The following ZNF678 variants were observed in gnomAD, a reference collection of about 807,000 sequenced individuals.
ZNF678 encodes hypothetical protein MGC42493.
ZNF678 carries 5 observed loss-of-function variants against 3.0 expected under a neutral mutation model. That is an observed-to-expected ratio of 1.69 (90% CI 0.88 to 3.56). The LOEUF is 3.56. ZNF678 is among the 30% of genes most tolerant of loss of function. ZNF678 has a pLI of 0.00. For missense variants in ZNF678, 593 were observed against 605.0 expected (o/e 0.98, Z 0.21); for synonymous variants, 218 against 199.6 (o/e 1.09, Z -0.78).
intron 2 of ZNF678, 145 bp from the exon 3 acceptor site, chr1:227,650,811 C>T: frequency 1.8e-6 from 1 of 560,618 alleles, no homozygotes; most frequent in African/African-American, 1.9e-5. Context: ...CTTTTATATT[C>T]TGCCAATTTA....
At chr1:227,679,387 G>A (rs1659731102), downstream of ZNF678, among the ~76,000 whole-genome samples, 1 of 152,150 alleles carries the variant, frequency 6.6e-6, no homozygotes, top group Admixed American at 6.5e-5. Flanking sequence ...GTAGTTAAAA[G>A]ATCGACCCTG....
At chr1:227,604,912 G>A (rs1288567617) in intron 1 of ZNF678, among the ~76,000 whole-genome samples, 1 of 151,942 alleles carries the variant, frequency 6.6e-6, no homozygotes, top group Non-Finnish European at 1.5e-5. Flanking sequence ...CTGAAGTGCA[G>A]TGGTGCAATC....
intron 1 of ZNF678, among the ~76,000 whole-genome samples, chr1:227,574,668 A>G (rs550417167): frequency 4.6e-5 from 7 of 152,028 alleles, no homozygotes; most frequent in Admixed American, 6.6e-5. Flanking sequence ...AGTTTAATCA[A>G]ATCCCATTTG....
intron 1 of ZNF678, among the ~76,000 whole-genome samples, chr1:227,611,897 G>A (rs1658031500): frequency 6.6e-6 from 1 of 152,176 alleles, no homozygotes; most frequent in Non-Finnish European, 1.5e-5. Context: ...ACCAGGTGCT[G>A]CTACCAAGCA....
intron 1 of ZNF678, among the ~76,000 whole-genome samples, chr1:227,605,506 T>C (rs1657842162): frequency 6.6e-6 from 1 of 152,214 alleles, no homozygotes; most frequent in Non-Finnish European, 1.5e-5. Context: ...TTTGTCTTGT[T>C]CCCAATGTTA....
In ZNF678 at chr1:227,590,054, C is replaced by T. The variant is rs185534317; in HGVS notation, c.-164+26330C>T. 3.1e-3 allele frequency among the ~76,000 whole-genome samples: 472 copies of T among 151,806 alleles called. 5 individuals carry two copies. The highest frequency in any genetic ancestry group is 0.017 in the East Asian group (87 of 5,176). Reference sequence around the variant, plus strand: ...GAAGCATTCTGGTGAACTAGAGTAGCGATGAAACCTTTTACCATTTGAATG... The same window carrying T: ...GAAGCATTCTGGTGAACTAGAGTAGTGATGAAACCTTTTACCATTTGAATG... On this transcript the variant is annotated intron_variant, in intron 1 of 3. Transcript: ENST00000343776.
intron 1 of ZNF678, among the ~76,000 whole-genome samples, chr1:227,601,665 A>G (rs1241812434): frequency 6.6e-6 from 1 of 152,060 alleles, no homozygotes; most frequent in African/African-American, 2.4e-5. Flanking sequence ...CCCAGGTTCA[A>G]GCGATTCTCC....
intron 5 of ZNF678, among the ~76,000 whole-genome samples, chr1:227,671,448 T>C (rs1315015197): frequency 6.6e-6 from 1 of 152,160 alleles, no homozygotes; most frequent in Non-Finnish European, 1.5e-5. Context: ...GACGGACCAA[T>C]AGGGCTGAAT....
chr1:227,563,583 TGG>T lies in ZNF678; in HGVS notation c.-304_-303del. On this transcript the variant is annotated 5_prime_UTR_variant, in exon 1 of 4. Transcript: ENST00000343776. ...TTGTCTTGTGCTCCAGCTGGAGCTTTGGTCCCGTATTCTCGGCTATTTATCCC... is the reference window on the plus strand; with the variant it reads ...TTGTCTTGTGCTCCAGCTGGAGCTTTTCCCGTATTCTCGGCTATTTATCCC... 1.1e-6 allele frequency: 1 copy of T among 875,708 alleles called. No homozygotes were observed. Among genetic ancestry groups the T allele is most frequent in the African/African-American group, 1.7e-5 (1 of 57,626 alleles). The allele number at this position is 875,708 out of a possible 1,614,324, so 54.2% of individuals were successfully genotyped here.
At position 227,655,144 on chromosome 1, in the gene ZNF678, T is replaced by C; in HGVS notation, c.894T>C (p.Cys298=). 6.2e-7 allele frequency: 1 copy of C among 1,613,138 alleles called. No individual in the cohort carries two copies. Among genetic ancestry groups the C allele is most frequent in the South Asian group, 1.1e-5 (1 of 91,062 alleles). ...AGAAACCCTACAAATGTGAAGAATGTGGCAAAGCCTTTACACAGTTTGCAA... is the reference window on the plus strand; with the variant it reads ...AGAAACCCTACAAATGTGAAGAATGCGGCAAAGCCTTTACACAGTTTGCAA... ...TGEKPYKCEE[C]GKAFTQFASL... Residue 298 remains cysteine, a synonymous_variant, in exon 4 of 4, where the codon TGT becomes TGC. Coordinates refer to ENST00000343776, the MANE Select transcript of ZNF678 (RefSeq NM_001367909.1).
At chr1:227,611,254 G>A (rs1465099822) in intron 1 of ZNF678, among the ~76,000 whole-genome samples, 1 of 152,132 alleles carries the variant, frequency 6.6e-6, no homozygotes, top group Non-Finnish European at 1.5e-5. Context: ...TAACCCAAAG[G>A]AAGAGGTAAA....
intron 5 of ZNF678, among the ~76,000 whole-genome samples, chr1:227,668,089 C>G (rs1429564744): frequency 6.6e-6 from 1 of 152,140 alleles, no homozygotes; most frequent in Non-Finnish European, 1.5e-5. Context: ...TCAGGAGATT[C>G]AGAACACCAA....
chr1:227,604,895 G>A (rs1437417561), intron 1 of ZNF678, among the ~76,000 whole-genome samples: 4 of 150,600 alleles, frequency 2.7e-5, no homozygotes, highest in South Asian at 2.1e-4. Context: ...TCGTTTTGTC[G>A]CCCAGGCTGA....
intron 1 of ZNF678, among the ~76,000 whole-genome samples, chr1:227,617,674 A>G (rs1658175003): frequency 6.6e-6 from 1 of 152,226 alleles, no homozygotes; most frequent in Non-Finnish European, 1.5e-5. Flanking sequence ...TTCATTGGCC[A>G]TGACCAATGT....
chr1:227,664,550 A>C (rs373413185), downstream of ZNF678, among the ~76,000 whole-genome samples: 153 of 152,308 alleles, frequency 1.0e-3, no homozygotes, highest in African/African-American at 3.6e-3. Context: ...CAGAGGCATC[A>C]GTGGTGAGAG....
intron 1 of ZNF678, among the ~76,000 whole-genome samples, chr1:227,634,548 G>A (rs957117430): frequency 9.9e-5 from 15 of 152,162 alleles, no homozygotes; most frequent in African/African-American, 3.4e-4. Context: ...TGATTGAAGA[G>A]TCTGAAGGGA....
intron 1 of ZNF678, chr1:227,598,619 T>A: frequency 1.7e-6 from 1 of 585,500 alleles, no homozygotes; most frequent in East Asian, 3.4e-5. Flanking sequence ...CTTAAGAATT[T>A]ATCGTTCTCT....
rs192379835 is a variant in ZNF678 at position 227,611,969 on chromosome 1, C to T, written c.-163-34575C>T. Among the ~76,000 whole-genome samples the T allele has an allele frequency of 2.6e-5, 4 of 152,300 alleles. No individual in the cohort carries two copies. In the East Asian group the frequency reaches 5.8e-4, roughly 22 times the overall value. On this transcript the variant is annotated intron_variant, in intron 1 of 3. Coordinates refer to ENST00000343776, the MANE Select transcript of ZNF678 (RefSeq NM_001367909.1). ...GACAGGCCTGGAGTTTCAGGTGTTT[C>T]TGTACTTCACAAGACTGTCAGTTTC... is the stretch of plus-strand genomic sequence containing the variant.
intron 1 of ZNF678, among the ~76,000 whole-genome samples, chr1:227,571,433 A>G (rs1052552649): frequency 9.8e-5 from 15 of 152,310 alleles, no homozygotes; most frequent in African/African-American, 3.6e-4. Flanking sequence ...GTTCCTTGAC[A>G]TCGGTTTATT....
Sources: allele counts gnomAD v4.1 joint callset (sites outside exome capture counted in the v4.1 genomes callset), GRCh38; gene constraint gnomAD v4.1.1; transcripts MANE v1.5; gene names NCBI Gene and HGNC (gene_info 2026-07-23, HGNC 2026-07-21).